CAMTA1: variants seen among roughly 807,000 people sequenced by gnomAD.
The protein encoded by CAMTA1 is calmodulin binding transcription activator 1, also known as calmodulin-binding transcription activator 1.
A neutral mutation model predicts 170.9 loss-of-function variants in CAMTA1; 27 were observed. The ratio of observed to expected loss-of-function variants is 0.16; its 90% CI spans 0.12 to 0.22. CAMTA1 has a LOEUF of 0.22. Among genes scored for constraint, CAMTA1 ranks in the 10% least tolerant of loss-of-function variants. The probability of loss-of-function intolerance (pLI) is 1.00; values close to 1 mark genes in which losing one functional copy is unlikely to be tolerated. For synonymous variants in CAMTA1, 833 were observed against 891.5 expected (o/e 0.93, Z 1.17); for missense variants, 1,619 against 2,217.2 (o/e 0.73, Z 5.42).
intron 6 of CAMTA1, among the ~76,000 whole-genome samples, chr1:7,605,717 G>A (rs1576360356): frequency 2.0e-5 from 3 of 152,214 alleles, no homozygotes; most frequent in Admixed American, 2.0e-4. Context: ...ACACTCCCTA[G>A]TGAGATGAAC....
At chr1:6,927,989 C>G (rs1683649700) in intron 3 of CAMTA1, among the ~76,000 whole-genome samples, 1 of 152,110 alleles carries the variant, frequency 6.6e-6, no homozygotes, top group African/African-American at 2.4e-5. Context: ...TCCTGCCTCC[C>G]TCCTCCCACA....
intron 4 of CAMTA1, among the ~76,000 whole-genome samples, chr1:7,118,234 G>C (rs991666544): frequency 2.5e-4 from 38 of 151,504 alleles, no homozygotes; most frequent in African/African-American, 8.5e-4. Context: ...AGGGACTCTA[G>C]AGTTGGGAGT....
At chr1:7,256,906 T>A (rs938344942) in intron 5 of CAMTA1, among the ~76,000 whole-genome samples, 5 of 152,026 alleles carry the variant, frequency 3.3e-5, no homozygotes, top group African/African-American at 1.2e-4. Flanking sequence ...AGGGCCTGTT[T>A]CCTGGTGCAT....
intron 5 of CAMTA1, among the ~76,000 whole-genome samples, chr1:7,283,217 C>T (rs1351137712): frequency 1.3e-5 from 2 of 152,116 alleles, no homozygotes; most frequent in Non-Finnish European, 2.9e-5. Flanking sequence ...ACACTGCCAC[C>T]CCAACTACAG....
intron 3 of CAMTA1, among the ~76,000 whole-genome samples, chr1:7,018,707 G>T (rs933622531): frequency 4.6e-5 from 7 of 152,134 alleles, no homozygotes; most frequent in Non-Finnish European, 1.0e-4. Flanking sequence ...TGTAGCCCTG[G>T]TAACCACAGA....
At chr1:7,374,523 A>G (rs1198217615) in intron 5 of CAMTA1, among the ~76,000 whole-genome samples, 1 of 152,242 alleles carries the variant, frequency 6.6e-6, no homozygotes, top group African/African-American at 2.4e-5. Flanking sequence ...AGTTTGCTCC[A>G]TTGCAGCCTT....
rs1281887961 is a variant in CAMTA1, at chr1:7,748,158, C to T, written c.4689+377C>T. 4.6e-5 allele frequency among the ~76,000 whole-genome samples: 7 copies of T among 151,970 alleles called. No homozygotes were observed. Among genetic ancestry groups the T allele is most frequent in the East Asian group, 1.9e-4 (1 of 5,174 alleles). ...AACTCCTGACCTCAAGTGATCTGCC[C>T]GCCTTGGCCTCCCAAAGTGCTGGGA... On this transcript the variant is annotated intron_variant, in intron 19 of 22. Transcript: ENST00000303635. The surrounding 1 kb of genome is among the most constrained non-coding windows in gnomAD (Gnocchi z 4.7).
chr1:6,803,034 C>G (rs972135036), intron 1 of CAMTA1, among the ~76,000 whole-genome samples: 1 of 152,198 alleles, frequency 6.6e-6, no homozygotes, highest in African/African-American at 2.4e-5. Context: ...CAGGCGTGAG[C>G]CACCGTGCCC....
chr1:6,878,378 G>A (rs950064842), intron 3 of CAMTA1, among the ~76,000 whole-genome samples: 1 of 152,190 alleles, frequency 6.6e-6, no homozygotes, highest in Non-Finnish European at 1.5e-5. Flanking sequence ...CAAGACGTGT[G>A]GTTTTGTGCT....
intron 5 of CAMTA1, among the ~76,000 whole-genome samples, chr1:7,284,545 G>A (rs1672081406): frequency 6.6e-6 from 1 of 152,200 alleles, no homozygotes; most frequent in Admixed American, 6.5e-5. Flanking sequence ...AATAGAGACT[G>A]TAGTGAGAAA....
rs1180307285 is a variant in CAMTA1 at position 7,044,985 on chromosome 1, G to C, written c.235-46319G>C. Among the ~76,000 whole-genome samples, 1 of 152,110 alleles carries C rather than the reference G, an allele frequency of 6.6e-6. No homozygotes were observed. Among genetic ancestry groups the C allele is most frequent in the African/African-American group, 2.4e-5 (1 of 41,404 alleles). ...TGGAAGCAGCCTCTTCATAAACCCAGTGAATAAATCTCTTCAATTGTTGAG... is the reference window on the plus strand; with the variant it reads ...TGGAAGCAGCCTCTTCATAAACCCACTGAATAAATCTCTTCAATTGTTGAG... On this transcript the variant is annotated intron_variant, in intron 3 of 22. Transcript: ENST00000303635. The surrounding 1 kb of genome is among the most constrained non-coding windows in gnomAD (Gnocchi z 5.0).
chr1:7,025,954 T>C (rs925401430), intron 3 of CAMTA1, among the ~76,000 whole-genome samples: 2 of 152,146 alleles, frequency 1.3e-5, no homozygotes, highest in African/African-American at 4.8e-5. Context: ...ACCCTGTCTC[T>C]ACAGAAAATA....
rs538209251 is a variant in CAMTA1 at position 7,103,761 on chromosome 1, T to C, written c.302+12390T>C. On this transcript the variant is annotated intron_variant, in intron 4 of 22. Coordinates refer to ENST00000303635, the MANE Select transcript of CAMTA1 (RefSeq NM_015215.4). ...ATGTACACACAATACATTACACACA[T>C]GCACACACAACACACATAACTACAC... Among the ~76,000 whole-genome samples, 13 of 147,950 alleles carry C rather than the reference T, an allele frequency of 8.8e-5. No homozygotes were observed. In the South Asian group the frequency reaches 2.6e-3, roughly 29 times the overall value.
At chr1:7,600,727 A>G (rs1396953936) in intron 6 of CAMTA1, among the ~76,000 whole-genome samples, 3 of 152,068 alleles carry the variant, frequency 2.0e-5, no homozygotes, top group African/African-American at 7.2e-5. Context: ...AACAAAGCAC[A>G]TCTTGCACCA....
At chr1:7,125,371 T>G (rs1644871420) in intron 4 of CAMTA1, among the ~76,000 whole-genome samples, 1 of 152,176 alleles carries the variant, frequency 6.6e-6, no homozygotes, top group Admixed American at 6.5e-5. Flanking sequence ...GATGCCATGC[T>G]GGGTGATGGG....
At chr1:7,446,501 A>C (rs2092684459) in intron 5 of CAMTA1, among the ~76,000 whole-genome samples, 1 of 152,100 alleles carries the variant, frequency 6.6e-6, no homozygotes, top group Admixed American at 6.5e-5. Flanking sequence ...AGAGACCGGG[A>C]GGGGAACACA....
chr1:7,673,984 G>A lies in CAMTA1; in HGVS notation c.2779+2947G>A, dbSNP rs2096086297. On this transcript the variant is annotated intron_variant, in intron 10 of 22. Transcript: ENST00000303635. The surrounding 1 kb of genome is among the most constrained non-coding windows in gnomAD (Gnocchi z 4.6). Reference sequence around the variant, plus strand: ...CACTGCTCCGGAGATGACGCTGGCTGCTTGGGGACCTCATCTTTGGGTCTC... The same window carrying A: ...CACTGCTCCGGAGATGACGCTGGCTACTTGGGGACCTCATCTTTGGGTCTC... Among the ~76,000 whole-genome samples, 1 of 152,152 alleles carries A rather than the reference G, an allele frequency of 6.6e-6. No homozygotes were observed. Among genetic ancestry groups the A allele is most frequent in the African/African-American group, 2.4e-5 (1 of 41,434 alleles).
intron 3 of CAMTA1, among the ~76,000 whole-genome samples, chr1:6,841,861 C>T (rs1318437868): frequency 6.6e-6 from 1 of 152,158 alleles, no homozygotes; most frequent in Non-Finnish European, 1.5e-5. Flanking sequence ...CTGTTGCTTG[C>T]GCCTGGGTCA....
rs531102322 is a variant in CAMTA1 at position 7,562,577 on chromosome 1, C to T, written c.511-77823C>T. ...TGACAGGCAGCAGTACCCGCTGTCACGCTGCCTGCATGTCCCAGAAATGTT... is the reference window on the plus strand; with the variant it reads ...TGACAGGCAGCAGTACCCGCTGTCATGCTGCCTGCATGTCCCAGAAATGTT... On this transcript the variant is annotated intron_variant, in intron 6 of 22. Coordinates refer to ENST00000303635, the MANE Select transcript of CAMTA1 (RefSeq NM_015215.4). The surrounding 1 kb of genome is among the most constrained non-coding windows in gnomAD (Gnocchi z 4.8). Among the ~76,000 whole-genome samples the T allele has an allele frequency of 5.9e-5, 9 of 152,340 alleles. No individual in the cohort carries two copies. The highest frequency in any genetic ancestry group is 1.9e-4 in the East Asian group (1 of 5,184).
Sources: gnomAD v4.1 joint callset for allele counts (sites outside exome capture counted in the v4.1 genomes callset) on GRCh38, gnomAD v4.1.1 for gene constraint, Gnocchi (gnomAD v3.1) non-coding constraint, MANE v1.5 for transcripts, NCBI Gene and HGNC (gene_info 2026-07-23, HGNC 2026-07-21) for gene names.